Variants in DAB1 observed in about 807,000 individuals in gnomAD.
DAB1 encodes the protein disabled homolog 1.
A neutral mutation model predicts 64.6 loss-of-function variants in DAB1; 15 were observed. The observed-to-expected ratio is 0.23, with a 90% CI of 0.16 to 0.36. The LOEUF is 0.36. DAB1 is among the 10% of genes least tolerant of loss of function. The probability of loss-of-function intolerance (pLI) is 1.00; values close to 1 mark genes in which losing one functional copy is unlikely to be tolerated. For missense variants in DAB1, 596 were observed against 706.7 expected (o/e 0.84, Z 1.78); for synonymous variants, 235 against 251.9 (o/e 0.93, Z 0.64).
chr1:58,156,111 G>A (rs1384441418), intron 4 of DAB1, among the ~76,000 whole-genome samples: 1 of 152,126 alleles, frequency 6.6e-6, no homozygotes, highest in African/African-American at 2.4e-5. Context: ...CAGTGTTTTG[G>A]AGATTTTTGC....
At chr1:57,436,401 A>G (rs1685697610) in intron 7 of DAB1, among the ~76,000 whole-genome samples, 2 of 152,164 alleles carry the variant, frequency 1.3e-5, no homozygotes, top group South Asian at 2.1e-4. Context: ...GCGCGTTTCA[A>G]TATGTCTATT....
intron 3 of DAB1, among the ~76,000 whole-genome samples, chr1:58,431,361 C>A (rs1170427527): frequency 6.6e-6 from 1 of 151,940 alleles, no homozygotes; most frequent in Non-Finnish European, 1.5e-5. Context: ...AGATTGAGAC[C>A]ATCCTGGCCA....
chr1:58,340,621 G>C (rs1210120991), intron 4 of DAB1, among the ~76,000 whole-genome samples: 1 of 152,166 alleles, frequency 6.6e-6, no homozygotes, highest in South Asian at 2.1e-4. Flanking sequence ...CAAATGTGAG[G>C]CTTCTCAACT....
chr1:57,332,713 T>G (rs2100801894), intron 1 of DAB1, among the ~76,000 whole-genome samples: 1 of 152,320 alleles, frequency 6.6e-6, no homozygotes, highest in Middle Eastern at 3.4e-3. Flanking sequence ...GAGGCAGGGC[T>G]TCTTACCCAT....
intron 5 of DAB1, among the ~76,000 whole-genome samples, chr1:58,109,864 T>A (rs1483529547): frequency 6.6e-6 from 1 of 151,814 alleles, no homozygotes; most frequent in Non-Finnish European, 1.5e-5. Flanking sequence ...TATTTTTTGA[T>A]CTGCCCACCA....
intron 5 of DAB1, among the ~76,000 whole-genome samples, chr1:58,064,109 G>T (rs1648683718): frequency 6.6e-6 from 1 of 152,132 alleles, no homozygotes; most frequent in Admixed American, 6.5e-5. Flanking sequence ...GGGATTTGGA[G>T]AAACAGTCAG....
chr1:58,116,889 A>G (rs190702755), intron 5 of DAB1, among the ~76,000 whole-genome samples: 13 of 152,360 alleles, frequency 8.5e-5, no homozygotes, highest in Admixed American at 7.8e-4. Flanking sequence ...AATACAAGTT[A>G]CACAAGGGAT....
At chr1:57,711,191 G>T (rs1291172018) in intron 6 of DAB1, among the ~76,000 whole-genome samples, 8 of 152,158 alleles carry the variant, frequency 5.3e-5, no homozygotes, top group African/African-American at 1.7e-4. Context: ...GCTGAATTTT[G>T]TCAAAGGCCT....
intron 4 of DAB1, among the ~76,000 whole-genome samples, chr1:58,342,799 C>A (rs187505544): frequency 6.6e-6 from 1 of 152,254 alleles, no homozygotes; most frequent in East Asian, 1.9e-4. Context: ...CTTCTTTCCC[C>A]TATCGCCACC....
At chr1:57,081,217 T>G (rs1652518435) in intron 4 of DAB1, among the ~76,000 whole-genome samples, 1 of 152,190 alleles carries the variant, frequency 6.6e-6, no homozygotes, top group South Asian at 2.1e-4. Flanking sequence ...GATTCCTTTC[T>G]CATAGGGATA....
chr1:57,791,098 C>T (rs956595686), intron 6 of DAB1, among the ~76,000 whole-genome samples: 1 of 152,120 alleles, frequency 6.6e-6, no homozygotes, highest in Non-Finnish European at 1.5e-5. Context: ...GTGAAAAATA[C>T]AGATTAATTA....
rs1399395431 is a variant in DAB1, at chr1:57,214,926, A to AAAAG, written c.68-69498_68-69497insCTTT. Among the ~76,000 whole-genome samples, 991 of 150,630 alleles carry AAAAG rather than the reference A, an allele frequency of 6.6e-3. 15 individuals are homozygous for AAAAG. Among genetic ancestry groups the AAAAG allele is most frequent in the Middle Eastern group, 0.017 (5 of 286 alleles). Reference sequence around the variant, plus strand: ...ATTCCCTCTCAAAAAAAAAAAAAAAAAAAAGAAAGAAAAAAGGCAAGAAAA... The same window carrying AAAAG: ...ATTCCCTCTCAAAAAAAAAAAAAAAAAAAGAAAAGAAAGAAAAAAGGCAAGAAAA... On this transcript the variant is annotated intron_variant, in intron 2 of 14. Transcript: ENST00000371236.
chr1:58,004,636 T>A (rs1275848480), intron 5 of DAB1, among the ~76,000 whole-genome samples: 11 of 152,232 alleles, frequency 7.2e-5, no homozygotes, highest in Admixed American at 7.2e-4. Context: ...ATGCATAGAA[T>A]GTCCTTGGTA....
intron 5 of DAB1, among the ~76,000 whole-genome samples, chr1:58,003,224 A>G (rs2100409684): frequency 6.6e-6 from 1 of 152,306 alleles, no homozygotes; most frequent in South Asian, 2.1e-4. Flanking sequence ...GTAGGAACTC[A>G]AAATAAGCCC....
At chr1:58,303,270 T>C (rs1348452192) in intron 4 of DAB1, among the ~76,000 whole-genome samples, 2 of 152,078 alleles carry the variant, frequency 1.3e-5, no homozygotes, top group Non-Finnish European at 2.9e-5. Context: ...AGCCCAGCCA[T>C]AGAGCTGCTT....
chr1:57,016,235 A>G (rs1162207064), intron 11 of DAB1, among the ~76,000 whole-genome samples: 2 of 152,006 alleles, frequency 1.3e-5, no homozygotes, highest in Non-Finnish European at 2.9e-5. Context: ...TGGTAGCGAG[A>G]GGTATTATGC....
intron 4 of DAB1, among the ~76,000 whole-genome samples, chr1:58,229,850 C>T (rs2100348056): frequency 6.6e-6 from 1 of 152,282 alleles, no homozygotes; most frequent in South Asian, 2.1e-4. Context: ...TTAACCACTC[C>T]ACTATATTGC....
chr1:58,497,703 A>G (rs1443374899), intron 3 of DAB1, among the ~76,000 whole-genome samples: 1 of 152,212 alleles, frequency 6.6e-6, no homozygotes, highest in Non-Finnish European at 1.5e-5. Context: ...TGTACCAGAA[A>G]GAGAAGGATG....
At chr1:57,374,759 C>T (rs912022942) in intron 1 of DAB1, among the ~76,000 whole-genome samples, 3 of 152,148 alleles carry the variant, frequency 2.0e-5, no homozygotes, top group Non-Finnish European at 2.9e-5. Flanking sequence ...CTGGGTAGCA[C>T]CTCTAGGGAC....
Sources: gnomAD v4.1 joint callset for allele counts (sites outside exome capture counted in the v4.1 genomes callset) on GRCh38, gnomAD v4.1.1 for gene constraint, MANE v1.5 for transcripts, NCBI Gene and HGNC (gene_info 2026-07-23, HGNC 2026-07-21) for gene names.